Variants in COL5A2 observed in about 807,000 individuals in gnomAD.
The protein encoded by COL5A2 is collagen alpha-2(V) chain.
COL5A2 carries 23 observed loss-of-function variants against 208.2 expected under a neutral mutation model. The ratio of observed to expected loss-of-function variants is 0.11; its 90% CI spans 0.08 to 0.16. The LOEUF (loss-of-function observed/expected upper bound fraction) is 0.16. COL5A2 is among the 10% of genes least tolerant of loss of function. The pLI is 1.00. For missense variants in COL5A2, 1,590 were observed against 1,956.4 expected (o/e 0.81, Z 3.53); for synonymous variants, 625 against 628.5 (o/e 0.99, Z 0.08).
At chr2:189,259,717 T>C in the COL5A2 span, among the ~76,000 whole-genome samples, 28 of 152,170 alleles carry the variant, frequency 1.8e-4, no homozygotes, top group Admixed American at 1.5e-3. Context: ...CTAGGAGATA[T>C]TTGGCTACGT....
In COL5A2 at chr2:189,058,406, A is replaced by G. The variant is rs369608796; in HGVS notation, c.2229+23T>C. On this transcript the variant is annotated intron_variant, in intron 33 of 53. Coordinates refer to ENST00000374866, the MANE Select transcript of COL5A2 (RefSeq NM_000393.5). ...CAGTAATTTTAAAGCATTTTAAAACACTGAGATCACTATGACACTTACTTT... is the reference window on the plus strand; with the variant it reads ...CAGTAATTTTAAAGCATTTTAAAACGCTGAGATCACTATGACACTTACTTT... 6.1e-5 allele frequency: 97 copies of G among 1,580,484 alleles called. 1 individual carries two copies. The highest frequency in any genetic ancestry group is 2.5e-4 in the Admixed American group (15 of 59,954).
chr2:189,297,934 G>T, the COL5A2 span, among the ~76,000 whole-genome samples: 1 of 152,008 alleles, frequency 6.6e-6, no homozygotes, highest in African/African-American at 2.4e-5. Context: ...ATTCCTTAAT[G>T]TTATATTTGA....
chr2:189,040,410 G>A (rs771019025), intron 50 of COL5A2, among the ~76,000 whole-genome samples: 13 of 148,534 alleles, frequency 8.8e-5, no homozygotes, highest in Non-Finnish European at 1.5e-4. Flanking sequence ...CAGAGACTAC[G>A]AAATGGATCC....
intron 1 of COL5A2, among the ~76,000 whole-genome samples, chr2:189,200,587 C>A (rs1377589316): frequency 7.0e-6 from 1 of 143,842 alleles, no homozygotes; most frequent in Non-Finnish European, 1.5e-5. Context: ...AGATAATGAC[C>A]AAGAGTTTTC....
chr2:189,155,305 T>C (rs1399855848), intron 1 of COL5A2, among the ~76,000 whole-genome samples: 1 of 152,190 alleles, frequency 6.6e-6, no homozygotes, highest in Non-Finnish European at 1.5e-5. Flanking sequence ...GATTTTAAAA[T>C]GCTTTACATC....
the COL5A2 span, chr2:189,312,043 C>T: frequency 1.3e-6 from 1 of 757,898 alleles, no homozygotes; most frequent in Non-Finnish European, 2.4e-6. Flanking sequence ...TCATACTTGA[C>T]TCTGAAGTCA....
chr2:189,213,475 A>G (rs1280635420), intron 1 of COL5A2, among the ~76,000 whole-genome samples: 4 of 152,204 alleles, frequency 2.6e-5, no homozygotes, highest in Non-Finnish European at 4.4e-5. Flanking sequence ...ATCAGCTGTG[A>G]TCTTGCCATA....
chr2:189,285,958 A>G, the COL5A2 span, among the ~76,000 whole-genome samples: 2 of 152,146 alleles, frequency 1.3e-5, no homozygotes, highest in African/African-American at 4.8e-5. Flanking sequence ...GATCAATATC[A>G]TAATATCACA....
chr2:189,143,259 T>C (rs1687970777), intron 1 of COL5A2, among the ~76,000 whole-genome samples: 1 of 152,192 alleles, frequency 6.6e-6, no homozygotes, highest in Non-Finnish European at 1.5e-5. Flanking sequence ...GAACCCTAGC[T>C]TGGGGCTGTA....
intron 5 of COL5A2, 51 bp downstream of exon 5, chr2:189,098,676 A>T: frequency 7.3e-7 from 1 of 1,369,104 alleles, no homozygotes; most frequent in Non-Finnish European, 1.0e-6. Context: ...AAAGATTTTC[A>T]GTATCTCAAG....
the COL5A2 span, among the ~76,000 whole-genome samples, chr2:189,395,889 G>A: frequency 2.3e-5 from 2 of 87,486 alleles, no homozygotes; most frequent in African/African-American, 9.6e-5. Flanking sequence ...TCCAGCCTAG[G>A]ACACATCTCA....
At chr2:189,195,323 AC>A (rs1290017908) in intron 1 of COL5A2, among the ~76,000 whole-genome samples, 1 of 152,222 alleles carries the variant, frequency 6.6e-6, no homozygotes, top group Admixed American at 6.5e-5. Context: ...GAGGACACAA[AC>A]AAAGGAAAAA....
At chr2:189,297,755 T>C in the COL5A2 span, among the ~76,000 whole-genome samples, 1 of 152,150 alleles carries the variant, frequency 6.6e-6, no homozygotes, top group South Asian at 2.1e-4. Flanking sequence ...AGGTGGCCCC[T>C]CAATGCACAT....
At chr2:189,434,697 C>T in the COL5A2 span, among the ~76,000 whole-genome samples, 1 of 152,060 alleles carries the variant, frequency 6.6e-6, no homozygotes, top group East Asian at 1.9e-4. Flanking sequence ...AAATGGAAAA[C>T]CTTTCCACGC....
At chr2:189,224,594 CA>C (rs1340844756) in intron 1 of COL5A2, among the ~76,000 whole-genome samples, 6 of 151,862 alleles carry the variant, frequency 4.0e-5, no homozygotes, top group Admixed American at 3.9e-4. Flanking sequence ...GAGGCTGAGG[CA>C]GGAGAATCAC....
chr2:189,203,723 TA>T (rs1689107854), intron 1 of COL5A2, among the ~76,000 whole-genome samples: 1 of 152,170 alleles, frequency 6.6e-6, no homozygotes, highest in Admixed American at 6.5e-5. Flanking sequence ...CTCTTTAGCC[TA>T]AAAGAGACTT....
At chr2:189,410,242 T>C in the COL5A2 span, among the ~76,000 whole-genome samples, 2 of 152,184 alleles carry the variant, frequency 1.3e-5, no homozygotes. Flanking sequence ...ATTTCCATCA[T>C]ATTTAATGTA....
At chr2:189,240,967 T>C in the COL5A2 span, among the ~76,000 whole-genome samples, 3 of 152,218 alleles carry the variant, frequency 2.0e-5, no homozygotes, top group Non-Finnish European at 4.4e-5. Context: ...TTGGGATTTG[T>C]TCCCACAAAT....
At chr2:189,144,603 C>T (rs1303305447) in intron 1 of COL5A2, among the ~76,000 whole-genome samples, 1 of 151,334 alleles carries the variant, frequency 6.6e-6, no homozygotes, top group African/African-American at 2.4e-5. Context: ...ATCCATTTGC[C>T]ATCTTCTTGA....
Sources: allele counts gnomAD v4.1 joint callset (sites outside exome capture counted in the v4.1 genomes callset), GRCh38; gene constraint gnomAD v4.1.1; transcripts MANE v1.5; gene names NCBI Gene and HGNC (gene_info 2026-07-23, HGNC 2026-07-21).